Variants in PARP8 observed in about 807,000 individuals in gnomAD.
PARP8 encodes protein mono-ADP-ribosyltransferase PARP8.
In PARP8, 51 loss-of-function variants were observed where a neutral mutation model predicts 124.1. The observed-to-expected ratio is 0.41, with a 90% CI of 0.33 to 0.52. The LOEUF (loss-of-function observed/expected upper bound fraction) is 0.52. Among genes scored for constraint, PARP8 ranks in the 20% least tolerant of loss-of-function variants. PARP8 has a pLI of 0.21. For missense variants in PARP8, 860 were observed against 1,018.9 expected (o/e 0.84, Z 2.12); for synonymous variants, 391 against 361.5 (o/e 1.08, Z -0.93).
At chr5:50,740,436 G>A (rs187316387) in intron 2 of PARP8, among the ~76,000 whole-genome samples, 5 of 152,008 alleles carry the variant, frequency 3.3e-5, no homozygotes, top group Non-Finnish European at 4.4e-5. Flanking sequence ...AGAGAGAACA[G>A]TGGAGCATAG....
chr5:50,749,842 A>G (rs758351506), intron 2 of PARP8, among the ~76,000 whole-genome samples: 1 of 152,164 alleles, frequency 6.6e-6, no homozygotes, highest in Non-Finnish European at 1.5e-5. Context: ...AAATGATCAT[A>G]TAATAGGAAA....
chr5:50,699,633 A>C (rs537669554), intron 2 of PARP8, among the ~76,000 whole-genome samples: 84 of 152,262 alleles, frequency 5.5e-4, no homozygotes, highest in African/African-American at 2.0e-3. Flanking sequence ...AGCCATCTAT[A>C]TTATCAATAT....
chr5:50,810,787 A>G (rs1236311083), intron 14 of PARP8, among the ~76,000 whole-genome samples: 1 of 152,102 alleles, frequency 6.6e-6, no homozygotes, highest in Non-Finnish European at 1.5e-5. Context: ...TACATCTTAA[A>G]TACTACTTGA....
At chr5:50,713,448 C>T (rs1256249105) in intron 2 of PARP8, among the ~76,000 whole-genome samples, 7 of 151,954 alleles carry the variant, frequency 4.6e-5, no homozygotes, top group African/African-American at 1.7e-4. Flanking sequence ...GCCTTGTTGC[C>T]CAGGCTGACC....
At chr5:50,749,955 T>A (rs1323137248) in intron 2 of PARP8, among the ~76,000 whole-genome samples, 196 bp from the exon 3 acceptor site, 1 of 152,130 alleles carries the variant, frequency 6.6e-6, no homozygotes, top group Non-Finnish European at 1.5e-5. Flanking sequence ...TTTAGACTAA[T>A]GGAAAGTATA....
rs1749328983 is a variant in PARP8 at position 50,666,821 on chromosome 5, T to C, written c.-275T>C. The C allele has an allele frequency of 9.5e-6, 12 of 1,261,748 alleles. No homozygotes were observed. The highest frequency in any genetic ancestry group is 4.9e-5 in the South Asian group (3 of 61,122). 78.2% of individuals were successfully genotyped at this position (1,261,748 alleles called of 1,614,324 possible). On this transcript the variant is annotated 5_prime_UTR_variant, in exon 1 of 26. Coordinates refer to ENST00000281631, the MANE Select transcript of PARP8 (RefSeq NM_024615.4). Reference sequence around the variant, plus strand: ...GAGACTTGGTGTCATCACCATCCATTGTCAGAAGGGGAGGAAATTGGAATC... The same window carrying C: ...GAGACTTGGTGTCATCACCATCCATCGTCAGAAGGGGAGGAAATTGGAATC...
rs965412573 is a variant in PARP8, at chr5:50,846,485, T to C, written c.*4417T>C. ...GTTCCAACATTGTAGCGAATGTAAA[T>C]GTTTACTTTCAATAAATCTGAACTT... is the stretch of plus-strand genomic sequence containing the variant. On this transcript the variant is annotated 3_prime_UTR_variant, in exon 26 of 26. Transcript: ENST00000281631. 10 of 151,760 alleles carry C rather than the reference T, an allele frequency of 6.6e-5. No homozygotes were observed. Among genetic ancestry groups the C allele is most frequent in the Admixed American group, 5.3e-4 (8 of 15,190 alleles). The allele number at this position is 151,760 out of a possible 1,614,324, so 9.4% of individuals were successfully genotyped here.
At position 50,762,939 on chromosome 5, in the gene PARP8, T is replaced by C. The variant is rs1022008772; in HGVS notation, c.424-209T>C. Among the ~76,000 whole-genome samples, 21 of 152,252 alleles carry C rather than the reference T, an allele frequency of 1.4e-4. 1 individual carries two copies. In the East Asian group the frequency reaches 4.0e-3, roughly 29 times the overall value. On this transcript the variant is annotated intron_variant, in intron 6 of 25. Coordinates refer to ENST00000281631, the MANE Select transcript of PARP8 (RefSeq NM_024615.4). The stretch of plus-strand genomic sequence containing the variant: ...TCACTAGTTTTTTACATTTGCTTTT[T>C]CTTTGTATTAATATAAACTAACTTT...
intron 9 of PARP8, among the ~76,000 whole-genome samples, chr5:50,783,115 A>T (rs1740859472): frequency 6.6e-6 from 1 of 152,064 alleles, no homozygotes; most frequent in Admixed American, 6.5e-5. Flanking sequence ...ACTGCTAAAA[A>T]GTGCCCACAC....
In PARP8 at chr5:50,750,434, G is replaced by A. The variant is rs536758244; in HGVS notation, c.184+246G>A. On this transcript the variant is annotated intron_variant, in intron 3 of 25. Coordinates refer to ENST00000281631, the MANE Select transcript of PARP8 (RefSeq NM_024615.4). ...AAGATCCCTATGATAGTTCCAGCCT[G>A]TGCATTTACATCATTACAATTAAAA... Among the ~76,000 whole-genome samples, 7 of 152,132 alleles carry A rather than the reference G, an allele frequency of 4.6e-5. No individual in the cohort carries two copies. The East Asian group carries it at 9.6e-4, about 21-fold the overall frequency.
At chr5:50,830,838 GTGTGTGTGTGATTATGTGATC>G (rs1031735980) in intron 22 of PARP8, among the ~76,000 whole-genome samples, 2 of 151,968 alleles carry the variant, frequency 1.3e-5, no homozygotes, top group African/African-American at 4.8e-5. Context: ...GTGTGTGTGT[GTGTGTGTGTGATTATGTGATC>G]ACGTTACACG....
rs963862881 is a variant in PARP8 at position 50,843,469 on chromosome 5, T to C, written c.*1401T>C. ...GGCATAAAAGGTGAGAAAAAGGTCA[T>C]ACATGTTGTTAAGGGTAGCAGTTTA... On this transcript the variant is annotated 3_prime_UTR_variant, in exon 26 of 26. Coordinates refer to ENST00000281631, the MANE Select transcript of PARP8 (RefSeq NM_024615.4). 6.6e-6 allele frequency: 1 copy of C among 151,824 alleles called. No individual in the cohort carries two copies. The highest frequency in any genetic ancestry group is 6.6e-5 in the Admixed American group (1 of 15,180). The allele number at this position is 151,824 out of a possible 1,614,324, so 9.4% of individuals were successfully genotyped here. A position where few individuals can be genotyped will look rare whatever the true frequency, so the allele number is the denominator to read the frequency against.
At chr5:50,837,070 T>C (rs1747661382) in intron 25 of PARP8, among the ~76,000 whole-genome samples, 1 of 152,160 alleles carries the variant, frequency 6.6e-6, no homozygotes, top group African/African-American at 2.4e-5. Flanking sequence ...GATGTACATG[T>C]TGCGGGGGGT....
At chr5:50,726,016 T>G (rs1756390637) in intron 2 of PARP8, among the ~76,000 whole-genome samples, 1 of 152,204 alleles carries the variant, frequency 6.6e-6, no homozygotes, top group South Asian at 2.1e-4. Flanking sequence ...TATGGTATTG[T>G]GATGCCTCAT....
intron 2 of PARP8, among the ~76,000 whole-genome samples, chr5:50,714,102 C>G (rs1755057859): frequency 6.7e-6 from 1 of 148,210 alleles, no homozygotes; most frequent in South Asian, 2.1e-4. Context: ...TTTTTTTTCC[C>G]CAGAATTCAT....
At chr5:50,707,375 G>A (rs1005511084) in intron 2 of PARP8, among the ~76,000 whole-genome samples, 5 of 151,984 alleles carry the variant, frequency 3.3e-5, no homozygotes, top group African/African-American at 1.2e-4. Flanking sequence ...ATTCTGTAGA[G>A]CTTTAAATTT....
rs1382879082 is a variant in PARP8 at position 50,754,047 on chromosome 5, G to GA, written c.184+3871dup. Among the ~76,000 whole-genome samples, 508 of 105,374 alleles carry GA rather than the reference G, an allele frequency of 4.8e-3. 1 individual carries two copies. The highest frequency in any genetic ancestry group is 0.013 in the African/African-American group (341 of 27,136). The allele number at this position is 105,374 out of a possible 152,430, so 69.1% of individuals were successfully genotyped here. A position where few individuals can be genotyped will look rare whatever the true frequency, so the allele number is the denominator to read the frequency against. On this transcript the variant is annotated intron_variant, in intron 3 of 25. Coordinates refer to ENST00000281631, the MANE Select transcript of PARP8 (RefSeq NM_024615.4). ...ATCTAACTGTCCCCAGAGGTTTTCAGAAAAAAAAAAAAGAGCTTAGAAGTC... is the reference window on the plus strand; with the variant it reads ...ATCTAACTGTCCCCAGAGGTTTTCAGAAAAAAAAAAAAAGAGCTTAGAAGTC...
At chr5:50,764,308 G>A (rs1760845925) in intron 7 of PARP8, among the ~76,000 whole-genome samples, 1 of 152,126 alleles carries the variant, frequency 6.6e-6, no homozygotes, top group Non-Finnish European at 1.5e-5. Context: ...GTACCATCAT[G>A]GGACATGCAT....
At chr5:50,813,001 G>C (rs1372640102) in intron 14 of PARP8, among the ~76,000 whole-genome samples, 1 of 152,132 alleles carries the variant, frequency 6.6e-6, no homozygotes, top group East Asian at 1.9e-4. Context: ...CTGTAGCCTT[G>C]TAGTATAGTT....
Sources: allele counts gnomAD v4.1 joint callset (sites outside exome capture counted in the v4.1 genomes callset), GRCh38; gene constraint gnomAD v4.1.1; transcripts MANE v1.5; gene names NCBI Gene and HGNC (gene_info 2026-07-23, HGNC 2026-07-21).